Variants in BOD1L1 observed in about 807,000 individuals in gnomAD.
BOD1L1 encodes the protein biorientation of chromosomes in cell division 1 like 1, also known as biorientation of chromosomes in cell division protein 1-like 1.
Under a neutral mutation model 240.7 loss-of-function variants are expected in BOD1L1, and 86 were observed. That is an observed-to-expected ratio of 0.36 (90% confidence interval 0.30 to 0.43). BOD1L1 has a LOEUF of 0.43. Ranked by LOEUF, BOD1L1 falls within the 20% of genes least tolerant of loss-of-function variation. BOD1L1 has a pLI of 1.00. For missense variants in BOD1L1, 3,554 were observed against 3,643.5 expected (o/e 0.98, Z 0.63); for synonymous variants, 1,268 against 1,272.3 (o/e 1.00, Z 0.07).
Position 13,600,976 on chromosome 4 carries a change from C to T in BOD1L1, c.5924G>A (p.Cys1975Tyr). 1.2e-6 allele frequency: 2 copies of T among 1,613,926 alleles called. No individual in the cohort carries two copies. Among genetic ancestry groups the T allele is most frequent in the Non-Finnish European group, 1.7e-6 (2 of 1,179,876 alleles). The change falls in exon 10 of 26, where the codon TGT (cysteine) becomes TAT (tyrosine). Residue 1975 changes from cysteine to tyrosine, a missense_variant. By Grantham distance (194) the Cys-to-Tyr change is radical (BLOSUM62 -2). Around this residue, in one of 2 missense-constraint regions of BOD1L1, gnomAD observed 3,393 missense variants for 3,427.1 expected, o/e 0.99. Coordinates refer to ENST00000040738, the MANE Select transcript of BOD1L1 (RefSeq NM_148894.3). ...TGCAGCACTAGTCATAGGACCCTCACAACCTCCTGGAACTGGTGTCACTTC... is the reference window on the plus strand; with the variant it reads ...TGCAGCACTAGTCATAGGACCCTCATAACCTCCTGGAACTGGTGTCACTTC... ...KDEVTPVPGGCEGPMTSAASD... is the reference protein window; with the variant it reads ...KDEVTPVPGGYEGPMTSAASD...
At chr4:13,610,128 T>C in intron 6 of BOD1L1, among the ~76,000 whole-genome samples, 1 of 152,338 alleles carries the variant, frequency 6.6e-6, no homozygotes, top group Admixed American at 6.5e-5. Context: ...CTTTTCATAT[T>C]TTACAACTTT....
intron 3 of BOD1L1, 107 bp from the exon 4 acceptor site, chr4:13,614,917 C>T: frequency 8.5e-7 from 1 of 1,180,608 alleles, no homozygotes; most frequent in Non-Finnish European, 1.2e-6. Flanking sequence ...ATATGCTGTG[C>T]AGACCATCTG....
At chr4:13,583,072 G>T (rs1449731127) in intron 17 of BOD1L1, among the ~76,000 whole-genome samples, 1 of 152,120 alleles carries the variant, frequency 6.6e-6, no homozygotes, top group Non-Finnish European at 1.5e-5. Flanking sequence ...ACAGATACTG[G>T]CAACAGATAT....
Position 13,614,308 on chromosome 4 carries a change from A to C in BOD1L1, c.1062T>G (p.Asp354Glu). ...GTTTTTCATCTTTAACTTTCTGTGT[A>C]TCTTCACTCTTTTTTGAGTGATCAA... ...KKFDHSKKSE[D>E]TQKVKDEKQA... Residue 354 changes from aspartate (D) to glutamate (E), a missense_variant, in exon 4 of 26, where the codon GAT (aspartate) becomes GAG (glutamate). This residue lies in a region of BOD1L1 where 3,393 missense variants were observed against 3,427.1 expected (regional missense o/e 0.99). Coordinates refer to ENST00000040738, the MANE Select transcript of BOD1L1 (RefSeq NM_148894.3). 6.5e-7 allele frequency: 1 copy of C among 1,549,936 alleles called. No individual in the cohort carries two copies. Among genetic ancestry groups the C allele is most frequent in the Non-Finnish European group, 8.7e-7 (1 of 1,146,602 alleles).
chr4:13,606,429 A>C (rs1332175764), intron 9 of BOD1L1, among the ~76,000 whole-genome samples: 2 of 151,716 alleles, frequency 1.3e-5, no homozygotes, highest in Non-Finnish European at 2.9e-5. Context: ...AAATATTAAG[A>C]TAGTTTAGCT....
chr4:13,596,805 A>T (rs978759810), intron 11 of BOD1L1, among the ~76,000 whole-genome samples: 1 of 152,200 alleles, frequency 6.6e-6, no homozygotes, highest in African/African-American at 2.4e-5. Flanking sequence ...AGATGGACTC[A>T]TGTTATATTT....
At chr4:13,596,968 A>G in intron 11 of BOD1L1, 136 bp downstream of exon 11, 1 of 668,178 alleles carries the variant, frequency 1.5e-6, no homozygotes, top group Non-Finnish European at 2.5e-6. Context: ...CCCACAGGAT[A>G]TGGCAATAAC....
Position 13,600,314 on chromosome 4 carries a change from T to G in BOD1L1, c.6586A>C (p.Ser2196Arg). 1 of 1,614,094 alleles carries G rather than the reference T, an allele frequency of 6.2e-7. No individual in the cohort carries two copies. Among genetic ancestry groups the G allele is most frequent in the African/African-American group, 1.3e-5 (1 of 75,082 alleles). Reference sequence around the variant, plus strand: ...GGACTTTCAGCTTCTGGGGGCGCACTGGGCATAGGCCCCTCAAAGTCGGCG... The same window carrying G: ...GGACTTTCAGCTTCTGGGGGCGCACGGGGCATAGGCCCCTCAAAGTCGGCG... ...STADFEGPMPSAPPEAESPLA... is the reference protein window; with the variant it reads ...STADFEGPMPRAPPEAESPLA... Residue 2196 changes from serine (S) to arginine (R), a missense_variant, in exon 10 of 26, where the codon AGT (serine) becomes CGT (arginine). Transcript: ENST00000040738.
Position 13,615,410 on chromosome 4 carries a change from G to A in BOD1L1, c.461C>T (p.Ala154Val), listed in dbSNP as rs1285224026. Residue 154 changes from alanine (A) to valine (V), a missense_variant, in exon 3 of 26, where the codon GCT (alanine) becomes GTT (valine). Around this residue, in one of 2 missense-constraint regions of BOD1L1, gnomAD observed 161 missense variants for 216.4 expected, o/e 0.74. Transcript: ENST00000040738. Reference protein sequence around the residue: ...NHTFRPQVEKAVHEFLATLNH... With the variant: ...NHTFRPQVEKVVHEFLATLNH... ...TAGCGTGGCCAAAAACTCATGCACA[G>A]CTTTCTCTACCTGAGGTCTGAATGT... is the stretch of plus-strand genomic sequence containing the variant. 1.2e-6 allele frequency: 2 copies of A among 1,613,834 alleles called. No homozygotes were observed. Among genetic ancestry groups the A allele is most frequent in the South Asian group, 1.1e-5 (1 of 91,066 alleles).
chr4:13,585,691 G>A (rs903173642), intron 17 of BOD1L1, among the ~76,000 whole-genome samples: 4 of 152,146 alleles, frequency 2.6e-5, no homozygotes, highest in Admixed American at 2.0e-4. Flanking sequence ...TGAATTATAG[G>A]TCCCATAATC....
intron 22 of BOD1L1, among the ~76,000 whole-genome samples, chr4:13,579,384 A>C (rs1008864196): frequency 6.6e-6 from 1 of 152,234 alleles, no homozygotes; most frequent in Non-Finnish European, 1.5e-5. Context: ...GTACGATCAC[A>C]CATAGTTAAA....
At chr4:13,626,736 C>T (rs530829531) in intron 1 of BOD1L1, among the ~76,000 whole-genome samples, 2 of 152,240 alleles carry the variant, frequency 1.3e-5, no homozygotes, top group East Asian at 3.9e-4. Context: ...TGCATCTTTT[C>T]TCCACTGAAT....
Position 13,609,425 on chromosome 4 carries a change from C to G in BOD1L1, c.1492-19G>C. On this transcript the variant is annotated intron_variant, in intron 6 of 25. Transcript: ENST00000040738. ...CTTTGGCCTAAAACCACAAAATACC[C>G]TAACAGATTATTAGGCAAAGGCAAA... 6.9e-7 allele frequency: 1 copy of G among 1,439,068 alleles called. No individual in the cohort carries two copies. The allele number at this position is 1,439,068 out of a possible 1,614,324, so 89.1% of individuals were successfully genotyped here. A position where few individuals can be genotyped will look rare whatever the true frequency, so the allele number is the denominator to read the frequency against.
At chr4:13,594,492 C>T (rs2108924445) in intron 12 of BOD1L1, among the ~76,000 whole-genome samples, 1 of 152,326 alleles carries the variant, frequency 6.6e-6, no homozygotes, top group South Asian at 2.1e-4. Context: ...AAGGAATCCA[C>T]AAGGGCCAAA....
At position 13,602,519 on chromosome 4, in the gene BOD1L1, T is replaced by G. The variant is rs148247991; in HGVS notation, c.4381A>C (p.Arg1461=). The stretch of plus-strand genomic sequence containing the variant: ...ATGTCTTTTACTTTACCTGGGCTTC[T>G]TTTATGCTTAAGTTTGACAGTTTCA... ...YAETVKLKHK[R]SPGKVKDISI... Residue 1461 remains arginine (R), a synonymous_variant, in exon 10 of 26, where the codon AGA becomes CGA. Transcript: ENST00000040738. The G allele has an allele frequency of 2.0e-5, 33 of 1,614,060 alleles. No individual in the cohort carries two copies. The highest frequency in any genetic ancestry group is 1.6e-4 in the Middle Eastern group (1 of 6,062).
At position 13,603,478 on chromosome 4, in the gene BOD1L1, C is replaced by T. The variant is rs376247851; in HGVS notation, c.3422G>A (p.Arg1141His). 75 of 1,613,860 alleles carry T rather than the reference C, an allele frequency of 4.6e-5. No homozygotes were observed. The South Asian group carries it at 5.1e-4, about 11-fold the overall frequency. Residue 1141 changes from arginine to histidine, a missense_variant, in exon 10 of 26, where the codon CGC becomes CAC. Physicochemically the swap from Arg to His is conservative, Grantham distance 29. Transcript: ENST00000040738. ...AATGTCTTGCTGAGAATTATTATTGCGGTTGTCTTGGGTTTTAGATACTTC... is the reference window on the plus strand; with the variant it reads ...AATGTCTTGCTGAGAATTATTATTGTGGTTGTCTTGGGTTTTAGATACTTC... ...VFEVSKTQDN[R>H]NNNSQQDIDS...
chr4:13,582,870 T>G (rs1008751089), intron 17 of BOD1L1, 134 bp from the exon 18 acceptor site: 1 of 616,786 alleles, frequency 1.6e-6, no homozygotes, highest in African/African-American at 1.9e-5. Flanking sequence ...TTGGAAAATG[T>G]TTTTGAAGTG....
Position 13,586,395 on chromosome 4 carries a change from C to T in BOD1L1, c.8433+1G>A. ...TTAAAACTAATATGTGGAAAAAATA[C>T]CTTTGTGTCATGTGGCTCCGTTTCA... is the stretch of plus-strand genomic sequence containing the variant. On this transcript the variant is annotated splice_donor_variant, in intron 17 of 25. Coordinates refer to ENST00000040738, the MANE Select transcript of BOD1L1 (RefSeq NM_148894.3). LOFTEE classifies it high-confidence loss of function. 3 of 1,607,504 alleles carry T rather than the reference C, an allele frequency of 1.9e-6. No homozygotes were observed. Among genetic ancestry groups the T allele is most frequent in the Non-Finnish European group, 2.6e-6 (3 of 1,175,350 alleles).
intron 14 of BOD1L1, 127 bp downstream of exon 14, chr4:13,590,259 C>A (rs1226016205): frequency 8.1e-6 from 4 of 495,024 alleles, no homozygotes; most frequent in Non-Finnish European, 1.4e-5. Flanking sequence ...TATCACTTTA[C>A]TGAATTTTTA....
Sources: allele counts gnomAD v4.1 joint callset (sites outside exome capture counted in the v4.1 genomes callset), GRCh38; gene constraint gnomAD v4.1.1; regional missense constraint gnomAD v4.1.1; transcripts MANE v1.5; gene names NCBI Gene and HGNC (gene_info 2026-07-23, HGNC 2026-07-21).